Variants in RHBDL3 observed in about 807,000 individuals in gnomAD.
The protein encoded by RHBDL3 is rhomboid like 3.
RHBDL3 carries 28 observed loss-of-function variants against 48.2 expected under a neutral mutation model. That is an observed-to-expected ratio of 0.58 (90% CI 0.43 to 0.80). The LOEUF is 0.80. Ranked by LOEUF, RHBDL3 falls within the 30% of genes least tolerant of loss-of-function variation. The pLI, the probability that RHBDL3 is intolerant of heterozygous loss-of-function variation, is 0.00. For synonymous variants in RHBDL3, 208 were observed against 232.3 expected, an observed-to-expected ratio of 0.90 and a Z score of 0.95; for missense variants, 464 against 542.7, an observed-to-expected ratio of 0.85 and a Z score of 1.44.
At chr17:32,280,457 T>C (rs2040016736) in intron 2 of RHBDL3, 1 of 152,172 alleles carries the variant, frequency 6.6e-6, no homozygotes, top group Non-Finnish European at 1.5e-5. Context: ...ATCTGCCTAA[T>C]GATCCCAGTC....
chr17:32,302,544 T>C (rs915710970), intron 6 of RHBDL3, among the ~76,000 whole-genome samples: 14 of 103,828 alleles, frequency 1.3e-4, no homozygotes, highest in Admixed American at 1.8e-4. Flanking sequence ...TATATATATA[T>C]ATATATATTT....
At chr17:32,313,079 C>T (rs1044464969) in intron 7 of RHBDL3, among the ~76,000 whole-genome samples, 8 of 151,582 alleles carry the variant, frequency 5.3e-5, no homozygotes, top group African/African-American at 1.9e-4. Flanking sequence ...ACTGGGATTA[C>T]AGGCGTGAGC....
chr17:32,288,694 G>C, intron 3 of RHBDL3, 98 bp from the exon 4 acceptor site: 1 of 783,330 alleles, frequency 1.3e-6, no homozygotes, highest in South Asian at 1.7e-5. Flanking sequence ...GGAAATGCGG[G>C]GTCAGGCCTG....
At chr17:32,267,591 C>G (rs1048690569) in intron 1 of RHBDL3, 1 of 202,642 alleles carries the variant, frequency 4.9e-6, no homozygotes, top group Non-Finnish European at 8.7e-6. Flanking sequence ...ATTTGGACGC[C>G]TTTATTTAGT....
intron 2 of RHBDL3, 149 bp downstream of exon 2, chr17:32,268,074 A>C: frequency 1.4e-6 from 1 of 730,052 alleles, no homozygotes; most frequent in Non-Finnish European, 2.5e-6. Context: ...GGGCTGAACG[A>C]CACTGCTCTC....
intron 6 of RHBDL3, 67 bp downstream of exon 6, chr17:32,298,271 G>A (rs1233956527): frequency 4.8e-6 from 5 of 1,050,442 alleles, no homozygotes; most frequent in Non-Finnish European, 7.3e-6. Context: ...ACCCTGTGGG[G>A]CGGGGCAAGC....
chr17:32,315,878 G>C (rs1434911915), intron 7 of RHBDL3, among the ~76,000 whole-genome samples: 1 of 151,644 alleles, frequency 6.6e-6, no homozygotes, highest in East Asian at 1.9e-4. Flanking sequence ...CATCCTGGTG[G>C]TTCTGTCTTG....
chr17:32,277,739 C>T (rs899043167), intron 2 of RHBDL3, among the ~76,000 whole-genome samples: 11 of 152,358 alleles, frequency 7.2e-5, no homozygotes, highest in East Asian at 1.9e-4. Flanking sequence ...CAAAGGGAAA[C>T]GTGACTGCTG....
intron 7 of RHBDL3, among the ~76,000 whole-genome samples, chr17:32,308,369 G>T (rs966454454): frequency 8.5e-5 from 13 of 152,050 alleles, no homozygotes; most frequent in Non-Finnish European, 2.9e-5. Flanking sequence ...GATCACTTAA[G>T]CCCAGGAGTT....
intron 1 of RHBDL3, among the ~76,000 whole-genome samples, chr17:32,267,080 A>T (rs1567757813): frequency 6.6e-6 from 1 of 151,834 alleles, no homozygotes; most frequent in Non-Finnish European, 1.5e-5. Flanking sequence ...GGGGTGAAAA[A>T]CCGGGCAGAC....
intron 1 of RHBDL3, 189 bp from the exon 2 acceptor site, chr17:32,267,713 A>T: frequency 8.4e-7 from 1 of 1,189,578 alleles, no homozygotes; most frequent in Non-Finnish European, 1.1e-6. Flanking sequence ...CTCAGTGTGG[A>T]CTCATTGGGG....
At chr17:32,267,688 A>T in intron 1 of RHBDL3, 2 of 504,732 alleles carry the variant, frequency 4.0e-6, no homozygotes, top group East Asian at 1.1e-4. Flanking sequence ...CCTTACTGTG[A>T]GTTTCCTCCC....
chr17:32,273,705 A>T (rs1315833449), intron 2 of RHBDL3, among the ~76,000 whole-genome samples: 1 of 152,208 alleles, frequency 6.6e-6, no homozygotes, highest in Non-Finnish European at 1.5e-5. Context: ...CAAGTAAAAA[A>T]TAAAAAGACA....
chr17:32,283,490 C>A (rs1040151818), intron 2 of RHBDL3, among the ~76,000 whole-genome samples: 53 of 151,632 alleles, frequency 3.5e-4, no homozygotes, highest in Admixed American at 1.5e-3. Context: ...CGCCCGGCTA[C>A]TTTTTTGTAT....
At chr17:32,298,666 G>T (rs571083022) in intron 6 of RHBDL3, among the ~76,000 whole-genome samples, 1 of 152,356 alleles carries the variant, frequency 6.6e-6, no homozygotes, top group South Asian at 2.1e-4. Context: ...AATCAAAGGG[G>T]TGAGTGGAGC....
At position 32,321,158 on chromosome 17, in the gene RHBDL3, G is replaced by A. The variant is rs768977123; in HGVS notation, c.1144G>A (p.Val382Met). The change falls in exon 9 of 9, where the codon GTG becomes ATG. Residue 382 changes from valine (V) to methionine (M), a missense_variant. Coordinates refer to ENST00000269051, the MANE Select transcript of RHBDL3 (RefSeq NM_138328.3). ...TTTTGTGGCCATGTACACCGTCTTC[G>A]TGCTGTTCGCTGTCTTCTGGAACAT... is the stretch of plus-strand genomic sequence containing the variant. ...WIFVAMYTVFVLFAVFWNIFA... is the reference protein window; with the variant it reads ...WIFVAMYTVFMLFAVFWNIFA... The A allele has an allele frequency of 1.2e-5, 19 of 1,614,066 alleles. No individual in the cohort carries two copies. The highest frequency in any genetic ancestry group is 1.3e-5 in the African/African-American group (1 of 74,924).
chr17:32,316,750 T>C (rs2040983905), intron 8 of RHBDL3, among the ~76,000 whole-genome samples: 1 of 152,158 alleles, frequency 6.6e-6, no homozygotes, highest in Non-Finnish European at 1.5e-5. Flanking sequence ...ACTCCTGGGC[T>C]CAAGCAATCC....
chr17:32,309,179 A>AGTGT (rs61558385), intron 7 of RHBDL3, among the ~76,000 whole-genome samples: 1,654 of 149,714 alleles, frequency 0.011, 41 homozygotes, highest in East Asian at 0.078. Flanking sequence ...GAAGGTTTGG[A>AGTGT]GTGTGTGTGT....
intron 4 of RHBDL3, 97 bp from the exon 5 acceptor site, chr17:32,294,197 T>G (rs1597653080): frequency 1.0e-6 from 1 of 960,444 alleles, no homozygotes. Flanking sequence ...GAAGGAAAGG[T>G]GATAACTTCC....
Sources: gnomAD v4.1 joint callset for allele counts (sites outside exome capture counted in the v4.1 genomes callset) on GRCh38, gnomAD v4.1.1 for gene constraint, MANE v1.5 for transcripts, NCBI Gene and HGNC (gene_info 2026-07-23, HGNC 2026-07-21) for gene names.